FDX1: variants seen among roughly 807,000 people sequenced by gnomAD.
The protein encoded by FDX1 is ferredoxin 1, also known as adrenodoxin, mitochondrial.
Under a neutral mutation model 14.9 loss-of-function variants are expected in FDX1, and 9 were observed. The ratio of observed to expected loss-of-function variants is 0.60; its 90% CI spans 0.36 to 1.05. The LOEUF (loss-of-function observed/expected upper bound fraction) is 1.05. Ranked by LOEUF, FDX1 falls within the 50% of genes least tolerant of loss-of-function variation. The pLI, the probability that FDX1 is intolerant of heterozygous loss-of-function variation, is 0.01. For missense variants in FDX1, 204 were observed against 237.2 expected (o/e 0.86, Z 0.92); for synonymous variants, 92 against 99.4 (o/e 0.93, Z 0.44).
intron 2 of FDX1, among the ~76,000 whole-genome samples, chr11:110,444,623 A>AT (rs1211788254): frequency 7.3e-6 from 1 of 136,976 alleles, no homozygotes; most frequent in Non-Finnish European, 1.5e-5. Flanking sequence ...CAAAAAAAAA[A>AT]GAAAATATAT....
chr11:110,429,871 ACCGGGCGGCGTGGGCGTGAGAGG>A (rs1267466235), upstream of FDX1: 137 of 318,430 alleles, frequency 4.3e-4, no homozygotes, highest in Middle Eastern at 1.7e-3. Flanking sequence ...GCCCCATGGG[ACCGGGCGGCGTGGGCGTGAGAGG>A]CGGGGCGGGG....
At position 110,464,592 on chromosome 11, in the gene FDX1, A is replaced by T. The variant is rs1003641404; in HGVS notation, c.*2124A>T. 2.0e-5 allele frequency: 3 copies of T among 152,162 alleles called. No individual in the cohort carries two copies. Among genetic ancestry groups the T allele is most frequent in the African/African-American group, 7.2e-5 (3 of 41,438 alleles). 9.4% of individuals were successfully genotyped at this position (152,162 alleles called of 1,614,324 possible). ...ACCTTTCAATGCCATTACACTGGCA[A>T]TTTAATTTCAAGATGAGTTTTGGAG... On this transcript the variant is annotated 3_prime_UTR_variant, in exon 4 of 4. Transcript: ENST00000260270.
chr11:110,444,650 GTATATATATATATACGTA>G (rs1946427504), intron 2 of FDX1, among the ~76,000 whole-genome samples: 4 of 53,834 alleles, frequency 7.4e-5, no homozygotes, highest in African/African-American at 2.8e-4. Flanking sequence ...GTGTGTGTGT[GTATATATATATATACGTA>G]TATATATATA....
At chr11:110,442,907 G>A (rs977103799) in intron 2 of FDX1, among the ~76,000 whole-genome samples, 1 of 152,106 alleles carries the variant, frequency 6.6e-6, no homozygotes, top group Admixed American at 6.5e-5. Context: ...AATCTTGGGG[G>A]CAGGTCTTTC....
intron 2 of FDX1, among the ~76,000 whole-genome samples, chr11:110,450,078 C>T (rs1946476762): frequency 6.6e-6 from 1 of 152,122 alleles, no homozygotes; most frequent in Non-Finnish European, 1.5e-5. Flanking sequence ...CTTTTTGGCA[C>T]TAGGGACTGG....
At chr11:110,449,712 C>T (rs759469393) in intron 2 of FDX1, among the ~76,000 whole-genome samples, 4 of 152,192 alleles carry the variant, frequency 2.6e-5, no homozygotes, top group Non-Finnish European at 4.4e-5. Context: ...ACTGCAGCCT[C>T]CACCTCCTGG....
chr11:110,448,812 C>A (rs1048203426), intron 2 of FDX1, among the ~76,000 whole-genome samples: 1 of 152,068 alleles, frequency 6.6e-6, no homozygotes, highest in African/African-American at 2.4e-5. Flanking sequence ...TTGCAGAAAC[C>A]AAAACTGTTG....
chr11:110,451,850 C>T (rs956859232), intron 2 of FDX1, among the ~76,000 whole-genome samples: 1 of 152,228 alleles, frequency 6.6e-6, no homozygotes, highest in Admixed American at 6.5e-5. Context: ...CCAAATACCA[C>T]ATGTTCTCAC....
intron 1 of FDX1, among the ~76,000 whole-genome samples, chr11:110,432,169 A>T (rs924497633): frequency 2.6e-5 from 4 of 152,192 alleles, no homozygotes; most frequent in African/African-American, 9.7e-5. Context: ...TAACAACTCG[A>T]TAAGCTATCA....
At chr11:110,459,127 A>C (rs1946541169) in intron 3 of FDX1, among the ~76,000 whole-genome samples, 1 of 152,166 alleles carries the variant, frequency 6.6e-6, no homozygotes, top group African/African-American at 2.4e-5. Context: ...TTCAGGAATT[A>C]CCTGTGAGTT....
chr11:110,460,650 T>C (rs1355770779), intron 3 of FDX1, among the ~76,000 whole-genome samples: 1 of 152,210 alleles, frequency 6.6e-6, no homozygotes, highest in Admixed American at 6.5e-5. Context: ...TATCTGAATG[T>C]GTCTCATCTC....
chr11:110,447,915 G>A (rs1486141619), intron 2 of FDX1, among the ~76,000 whole-genome samples: 4 of 152,144 alleles, frequency 2.6e-5, no homozygotes, highest in African/African-American at 9.7e-5. Context: ...ACTGCGATGA[G>A]GGATAAAGTC....
chr11:110,441,094 T>C (rs1946401671), intron 2 of FDX1, among the ~76,000 whole-genome samples: 1 of 152,240 alleles, frequency 6.6e-6, no homozygotes, highest in Non-Finnish European at 1.5e-5. Context: ...CTGCCATCCA[T>C]GTAAGATATG....
intron 1 of FDX1, among the ~76,000 whole-genome samples, chr11:110,431,272 A>G (rs895070416): frequency 6.6e-6 from 1 of 152,226 alleles, no homozygotes. Context: ...TATACTAGAG[A>G]TACAATTTAC....
chr11:110,431,156 TAA>T, intron 1 of FDX1, among the ~76,000 whole-genome samples: 1 of 152,308 alleles, frequency 6.6e-6, no homozygotes, highest in East Asian at 1.9e-4. Context: ...TTCACAATGT[TAA>T]GAGAGTTTTG....
chr11:110,451,865 G>A (rs1158022071), intron 2 of FDX1, among the ~76,000 whole-genome samples: 2 of 152,234 alleles, frequency 1.3e-5, no homozygotes, highest in South Asian at 2.1e-4. Context: ...TCTCACTTAC[G>A]TATACCACAT....
intron 2 of FDX1, among the ~76,000 whole-genome samples, chr11:110,447,485 T>C (rs1946459306): frequency 6.6e-6 from 1 of 152,010 alleles, no homozygotes; most frequent in Non-Finnish European, 1.5e-5. Context: ...GTGTCTTCCT[T>C]TGCACATAGG....
At position 110,444,420 on chromosome 11, in the gene FDX1, A is replaced by G. The variant is rs1946424732; in HGVS notation, c.310+8462A>G. Among the ~76,000 whole-genome samples the G allele has an allele frequency of 2.0e-5, 3 of 151,820 alleles. No homozygotes were observed. In the South Asian group the frequency reaches 6.2e-4, roughly 32 times the overall value. The stretch of plus-strand genomic sequence containing the variant: ...CACTTGAGGTCAGGAGTTTGAGACT[A>G]GCCTGGCCAACATGGTGAAGCCCCA... On this transcript the variant is annotated intron_variant, in intron 2 of 3. Coordinates refer to ENST00000260270, the MANE Select transcript of FDX1 (RefSeq NM_004109.5).
intron 1 of FDX1, among the ~76,000 whole-genome samples, chr11:110,435,566 G>A (rs1264469035): frequency 4.6e-5 from 7 of 152,116 alleles, no homozygotes; most frequent in African/African-American, 1.2e-4. Context: ...AAATACCTTC[G>A]GCTAGGCATG....
Sources: allele counts gnomAD v4.1 joint callset (sites outside exome capture counted in the v4.1 genomes callset), GRCh38; gene constraint gnomAD v4.1.1; transcripts MANE v1.5; gene names NCBI Gene and HGNC (gene_info 2026-07-23, HGNC 2026-07-21).